The following ZNF727 variants were observed in gnomAD, a reference collection of about 807,000 sequenced individuals.
The protein encoded by ZNF727 is zinc finger protein 727, also known as putative zinc finger protein 727.
ZNF727 carries 11 observed loss-of-function variants against 11.5 expected under a neutral mutation model. The observed-to-expected ratio is 0.95, with a 90% CI of 0.60 to 1.58. The LOEUF (loss-of-function observed/expected upper bound fraction) is 1.58, where lower values mean the gene tolerates loss of function less well. Among genes scored for constraint, ZNF727 ranks in the 40% most tolerant of loss-of-function variants. ZNF727 has a pLI of 0.00. For missense variants in ZNF727, 533 were observed against 581.7 expected (o/e 0.92, Z 0.86); for synonymous variants, 171 against 196.1 (o/e 0.87, Z 1.07).
At chr7:64,054,748 A>G (rs896808249) in intron 1 of ZNF727, among the ~76,000 whole-genome samples, 6 of 152,218 alleles carry the variant, frequency 3.9e-5, no homozygotes, top group Non-Finnish European at 8.8e-5. Context: ...GTAAAAATAG[A>G]TATCTCTCTG....
At chr7:64,051,321 ACTT>A (rs886324291) in intron 1 of ZNF727, among the ~76,000 whole-genome samples, 1 of 152,130 alleles carries the variant, frequency 6.6e-6, no homozygotes. Context: ...TATAATCAAA[ACTT>A]CTCCTAAGCA....
At chr7:64,050,805 TGTG>T (rs1789585792) in intron 1 of ZNF727, among the ~76,000 whole-genome samples, 2 of 151,974 alleles carry the variant, frequency 1.3e-5, no homozygotes, top group Non-Finnish European at 1.5e-5. Context: ...TGTGTGTGTG[TGTG>T]TGTGTATGTA....
chr7:64,066,992 AATCT>A (rs1789879731), intron 1 of ZNF727, among the ~76,000 whole-genome samples: 1 of 152,182 alleles, frequency 6.6e-6, no homozygotes, highest in South Asian at 2.1e-4. Flanking sequence ...AAATTTTTGC[AATCT>A]ATCCATCTGA....
intron 1 of ZNF727, among the ~76,000 whole-genome samples, chr7:64,068,309 C>T (rs369057524): frequency 1.3e-5 from 2 of 152,070 alleles, no homozygotes; most frequent in African/African-American, 2.4e-5. Flanking sequence ...CTTTGCATAT[C>T]GCTTCCTATG....
Position 64,081,501 on chromosome 7 carries a change from G to A in ZNF727, c.*2952G>A, listed in dbSNP as rs1478459543. On this transcript the variant is annotated 3_prime_UTR_variant, in exon 4 of 4. Coordinates refer to ENST00000456806, the MANE Select transcript of ZNF727 (RefSeq NM_001159522.3). ...GCAAAGTAATATGGGGAGTTGCCATGGTCTTGGGGGAAGCTGGAGTATAGG... is the reference window on the plus strand; with the variant it reads ...GCAAAGTAATATGGGGAGTTGCCATAGTCTTGGGGGAAGCTGGAGTATAGG... 6.6e-6 allele frequency among the ~76,000 whole-genome samples: 1 copy of A among 152,138 alleles called. No homozygotes were observed. The highest frequency in any genetic ancestry group is 1.5e-5 in the Non-Finnish European group (1 of 68,032).
At position 64,082,264 on chromosome 7, in the gene ZNF727, G is replaced by A. The variant is rs551150449; in HGVS notation, c.*3715G>A. Among the ~76,000 whole-genome samples, 1 of 152,180 alleles carries A rather than the reference G, an allele frequency of 6.6e-6. No homozygotes were observed. Among genetic ancestry groups the A allele is most frequent in the African/African-American group, 2.4e-5 (1 of 41,446 alleles). ...TGGCAATGATTGGCTAGTGGCCCAG[G>A]CCTGGAGAACTTGCCCAGTGAGAAT... is the stretch of plus-strand genomic sequence containing the variant. On this transcript the variant is annotated 3_prime_UTR_variant, in exon 4 of 4. Transcript: ENST00000456806.
intron 3 of ZNF727, among the ~76,000 whole-genome samples, chr7:64,076,896 G>C (rs144864574): frequency 6.6e-6 from 1 of 152,156 alleles, no homozygotes; most frequent in African/African-American, 2.4e-5. Context: ...GTCTCAAAAA[G>C]CCAGAAACAT....
chr7:64,054,970 A>G (rs1031237453), intron 1 of ZNF727, among the ~76,000 whole-genome samples: 1 of 151,898 alleles, frequency 6.6e-6, no homozygotes, highest in African/African-American at 2.4e-5. Flanking sequence ...ATCTCTTTAA[A>G]ATTTTCTCCT....
intron 1 of ZNF727, among the ~76,000 whole-genome samples, chr7:64,058,072 T>G (rs1789714086): frequency 1.3e-5 from 2 of 152,210 alleles, no homozygotes; most frequent in Non-Finnish European, 2.9e-5. Context: ...TTTGCTCATG[T>G]TTTTGACACT....
rs565425570 is a variant in ZNF727 at position 64,051,290 on chromosome 7, CA to C, written c.3+5674del. Among the ~76,000 whole-genome samples, 244 of 151,890 alleles carry C rather than the reference CA, an allele frequency of 1.6e-3. 2 individuals are homozygous for C. The highest frequency in any genetic ancestry group is 5.7e-3 in the African/African-American group (235 of 41,458). ...TGACTTTAAAACTTCAGAGAAAGAACAAAAAAAATTGTAGCTCTGGTATAAT... is the reference window on the plus strand; with the variant it reads ...TGACTTTAAAACTTCAGAGAAAGAACAAAAAAATTGTAGCTCTGGTATAAT... On this transcript the variant is annotated intron_variant, in intron 1 of 3. Coordinates refer to ENST00000456806, the MANE Select transcript of ZNF727 (RefSeq NM_001159522.3).
At chr7:64,064,589 G>T (rs1451586572) in intron 1 of ZNF727, among the ~76,000 whole-genome samples, 6 of 152,072 alleles carry the variant, frequency 3.9e-5, no homozygotes, top group Non-Finnish European at 1.5e-5. Context: ...GCACTTTCTT[G>T]GCCATCCCAG....
chr7:64,067,853 A>G (rs1427619986), intron 1 of ZNF727, among the ~76,000 whole-genome samples: 2 of 152,110 alleles, frequency 1.3e-5, no homozygotes, highest in African/African-American at 2.4e-5. Flanking sequence ...ATGTATACCT[A>G]TGTAACAAAC....
rs1449608635 is a variant in ZNF727, at chr7:64,078,445, A to T, written c.1396A>T (p.Ser466Cys). Residue 466 changes from serine (S) to cysteine (C), a missense_variant, in exon 4 of 4, where the codon AGC becomes TGC. By Grantham distance (112) the Ser-to-Cys change is moderately radical. This residue lies in a region of ZNF727 where 54 missense variants were observed against 48.6 expected (regional missense o/e 1.11). Transcript: ENST00000456806. ...TGGCAAAACCTTTACCTGCTCCTCA[A>T]GCCTTATTAAACACAAGAGAAGTCA... is the stretch of plus-strand genomic sequence containing the variant. ...ECGKTFTCSSSLIKHKRSHTG... is the reference protein window; with the variant it reads ...ECGKTFTCSSCLIKHKRSHTG... The T allele has an allele frequency of 6.3e-7, 1 of 1,579,796 alleles. No individual in the cohort carries two copies. Among genetic ancestry groups the T allele is most frequent in the African/African-American group, 1.4e-5 (1 of 73,796 alleles).
chr7:64,069,942 G>C (rs1789934487), intron 3 of ZNF727, among the ~76,000 whole-genome samples: 1 of 151,800 alleles, frequency 6.6e-6, no homozygotes, highest in African/African-American at 2.4e-5. Context: ...CATTGCTTGG[G>C]GGAAACAGCA....
intron 1 of ZNF727, among the ~76,000 whole-genome samples, chr7:64,050,660 A>T (rs1237564217): frequency 1.3e-5 from 2 of 152,200 alleles, no homozygotes; most frequent in Non-Finnish European, 2.9e-5. Context: ...AGAAACAGGC[A>T]CATAGAGATA....
At position 64,083,019 on chromosome 7, in the gene ZNF727, A is replaced by G. The variant is rs938052966; in HGVS notation, c.*4470A>G. Among the ~76,000 whole-genome samples the G allele has an allele frequency of 1.3e-5, 2 of 152,236 alleles. No homozygotes were observed. Among genetic ancestry groups the G allele is most frequent in the Non-Finnish European group, 2.9e-5 (2 of 68,044 alleles). On this transcript the variant is annotated 3_prime_UTR_variant, in exon 4 of 4. Transcript: ENST00000456806. ...GAACAGCTAAGTCACACAAACAGCA[A>G]AAATGGCCGCTCACTCTTCCCTTTA...
intron 1 of ZNF727, among the ~76,000 whole-genome samples, chr7:64,067,551 G>T (rs1584150616): frequency 6.6e-6 from 1 of 152,170 alleles, no homozygotes; most frequent in African/African-American, 2.4e-5. Context: ...GGAATACTAT[G>T]CAGCCATAAA....
At chr7:64,058,119 A>AT (rs1789714608) in intron 1 of ZNF727, among the ~76,000 whole-genome samples, 1 of 152,190 alleles carries the variant, frequency 6.6e-6, no homozygotes, top group Admixed American at 6.5e-5. Context: ...AGCCAAGGAC[A>AT]TGTGCGTGCC....
At chr7:64,054,531 A>G (rs1452492407) in intron 1 of ZNF727, among the ~76,000 whole-genome samples, 1 of 152,200 alleles carries the variant, frequency 6.6e-6, no homozygotes, top group Non-Finnish European at 1.5e-5. Flanking sequence ...TTATTTTGCT[A>G]TGACAAATAA....
Sources: allele counts gnomAD v4.1 joint callset (sites outside exome capture counted in the v4.1 genomes callset), GRCh38; gene constraint gnomAD v4.1.1; regional missense constraint gnomAD v4.1.1; transcripts MANE v1.5; gene names NCBI Gene and HGNC (gene_info 2026-07-23, HGNC 2026-07-21).